ADGRL3: variants seen among roughly 807,000 people sequenced by gnomAD.
ADGRL3 encodes the protein adhesion G protein-coupled receptor L3.
Under a neutral mutation model 153.5 loss-of-function variants are expected in ADGRL3, and 62 were observed. The observed-to-expected ratio is 0.40, with a 90% CI of 0.33 to 0.50. The LOEUF is 0.50. Ranked by LOEUF, ADGRL3 falls within the 20% of genes least tolerant of loss-of-function variation. ADGRL3 has a pLI of 0.47. For synonymous variants in ADGRL3, 710 were observed against 672.5 expected (o/e 1.06, Z -0.86); for missense variants, 1,641 against 1,859.4 (o/e 0.88, Z 2.16).
chr4:61,311,975 A>G (rs1314687901), intron 1 of ADGRL3, among the ~76,000 whole-genome samples: 2 of 152,156 alleles, frequency 1.3e-5, no homozygotes, highest in Non-Finnish European at 2.9e-5. Context: ...GGGGGAGGCT[A>G]TGCATCTATG....
chr4:61,711,493 C>CACAT (rs2095990265), intron 6 of ADGRL3, among the ~76,000 whole-genome samples: 1 of 31,922 alleles, frequency 3.1e-5, no homozygotes, highest in African/African-American at 9.3e-5. Context: ...TATATATATA[C>CACAT]ACACACACAC....
chr4:61,822,941 T>A lies in ADGRL3; in HGVS notation c.1480+9052T>A, dbSNP rs370492553. On this transcript the variant is annotated intron_variant, in intron 9 of 26. Coordinates refer to ENST00000683033, the MANE Select transcript of ADGRL3 (RefSeq NM_001387552.1). ...TGACTGGTTGCAGATCCAGTGATAA[T>A]GATGCTCACGTTGAATACAGTGGCT... Among the ~76,000 whole-genome samples the A allele has an allele frequency of 1.4e-4, 22 of 152,338 alleles. No homozygotes were observed. In the South Asian group the frequency reaches 1.4e-3, roughly 10 times the overall value.
At chr4:61,727,914 A>G (rs1243370730) in intron 6 of ADGRL3, among the ~76,000 whole-genome samples, 1 of 152,120 alleles carries the variant, frequency 6.6e-6, no homozygotes, top group Non-Finnish European at 1.5e-5. Flanking sequence ...TTCAAGAGCT[A>G]TTCACTGAGT....
intron 2 of ADGRL3, among the ~76,000 whole-genome samples, chr4:61,392,811 A>G (rs1260800375): frequency 6.6e-6 from 1 of 151,728 alleles, no homozygotes; most frequent in African/African-American, 2.4e-5. Context: ...CTCAGATTAA[A>G]TACACCAAAT....
At chr4:61,665,383 C>T (rs970404031) in intron 5 of ADGRL3, among the ~76,000 whole-genome samples, 4 of 152,090 alleles carry the variant, frequency 2.6e-5, no homozygotes, top group African/African-American at 9.7e-5. Flanking sequence ...TGCACTTTAG[C>T]CTGGGTGACA....
intron 8 of ADGRL3, among the ~76,000 whole-genome samples, chr4:61,757,256 T>G (rs985915206): frequency 2.6e-5 from 4 of 152,082 alleles, no homozygotes; most frequent in Admixed American, 2.6e-4. Context: ...GTCCTGGACT[T>G]TTTTTGGTTG....
intron 21 of ADGRL3, among the ~76,000 whole-genome samples, chr4:62,002,908 T>C (rs1394908046): frequency 6.6e-6 from 1 of 152,196 alleles, no homozygotes; most frequent in Non-Finnish European, 1.5e-5. Flanking sequence ...ACAGTATGGC[T>C]GAAGTACTAT....
intron 2 of ADGRL3, among the ~76,000 whole-genome samples, chr4:61,444,010 A>G (rs1354275719): frequency 1.3e-5 from 2 of 152,206 alleles, no homozygotes; most frequent in African/African-American, 4.8e-5. Flanking sequence ...TCATTGAGAA[A>G]CAATGACAGG....
intron 1 of ADGRL3, among the ~76,000 whole-genome samples, chr4:61,205,498 A>C (rs1298747761): frequency 6.6e-6 from 1 of 152,216 alleles, no homozygotes; most frequent in Non-Finnish European, 1.5e-5. Flanking sequence ...TATATTCAAA[A>C]TATGCATTTG....
chr4:61,572,858 C>T (rs79649593), intron 4 of ADGRL3, among the ~76,000 whole-genome samples: 1,614 of 152,100 alleles, frequency 0.011, 28 homozygotes, highest in African/African-American at 0.037. Context: ...AAGGCTCCAT[C>T]GTGTGATCTG....
At position 61,821,599 on chromosome 4, in the gene ADGRL3, A is replaced by G. The variant is rs997512227; in HGVS notation, c.1480+7710A>G. Among the ~76,000 whole-genome samples the G allele has an allele frequency of 3.3e-5, 5 of 152,070 alleles. No individual in the cohort carries two copies. The East Asian group carries it at 9.7e-4, about 29-fold the overall frequency. On this transcript the variant is annotated intron_variant, in intron 9 of 26. Transcript: ENST00000683033. ...TAGGTAGTGTCTTAATAAGAAGTCT[A>G]ATATTGGATGCTAATTTATACATTT...
intron 19 of ADGRL3, among the ~76,000 whole-genome samples, chr4:61,992,803 A>G (rs1034564890): frequency 6.6e-6 from 1 of 152,244 alleles, no homozygotes; most frequent in Non-Finnish European, 1.5e-5. Context: ...ACATTTCCAA[A>G]TAAAGCATTG....
At chr4:61,240,096 G>A (rs529862400) in intron 1 of ADGRL3, among the ~76,000 whole-genome samples, 25 of 152,074 alleles carry the variant, frequency 1.6e-4, no homozygotes, top group Non-Finnish European at 3.4e-4. Flanking sequence ...TTAACATCAA[G>A]GCATGAGAAG....
chr4:61,738,586 A>C (rs534027250), intron 8 of ADGRL3, among the ~76,000 whole-genome samples: 2 of 152,206 alleles, frequency 1.3e-5, no homozygotes. Context: ...AGACATGAAA[A>C]AAAAGCTTAA....
intron 5 of ADGRL3, among the ~76,000 whole-genome samples, chr4:61,649,442 T>G (rs1247993998): frequency 6.6e-6 from 1 of 152,154 alleles, no homozygotes; most frequent in African/African-American, 2.4e-5. Context: ...CCTTCAGTCC[T>G]CCATAGATTT....
intron 8 of ADGRL3, among the ~76,000 whole-genome samples, chr4:61,766,907 T>C (rs1233028300): frequency 1.3e-5 from 2 of 152,010 alleles, no homozygotes; most frequent in African/African-American, 4.8e-5. Flanking sequence ...CTGAACAAAC[T>C]TGTAAGGCTT....
intron 1 of ADGRL3, among the ~76,000 whole-genome samples, chr4:61,361,931 G>C (rs1393654947): frequency 6.7e-6 from 1 of 149,300 alleles, no homozygotes; most frequent in Non-Finnish European, 1.5e-5. Flanking sequence ...ATGAACTGTA[G>C]TATAACAGTT....
intron 1 of ADGRL3, among the ~76,000 whole-genome samples, chr4:61,259,198 C>T (rs1047440983): frequency 3.3e-5 from 5 of 152,000 alleles, no homozygotes; most frequent in African/African-American, 9.7e-5. Context: ...GCCGAGGCGG[C>T]GGATCACGAG....
chr4:61,619,662 G>T (rs948377895), intron 5 of ADGRL3, among the ~76,000 whole-genome samples: 1 of 152,104 alleles, frequency 6.6e-6, no homozygotes, highest in African/African-American at 2.4e-5. Context: ...AGTACTTCTA[G>T]CTAGTAATTG....
Sources: gnomAD v4.1 joint callset for allele counts (sites outside exome capture counted in the v4.1 genomes callset) on GRCh38, gnomAD v4.1.1 for gene constraint, MANE v1.5 for transcripts, NCBI Gene and HGNC (gene_info 2026-07-23, HGNC 2026-07-21) for gene names.